PDE1C: variants seen among roughly 807,000 people sequenced by gnomAD.
The protein encoded by PDE1C is dual specificity calcium/calmodulin-dependent 3',5'-cyclic nucleotide phosphodiesterase 1C.
Under a neutral mutation model 93.1 loss-of-function variants are expected in PDE1C, and 62 were observed. The ratio of observed to expected loss-of-function variants is 0.67; its 90% confidence interval spans 0.54 to 0.82. The LOEUF (loss-of-function observed/expected upper bound fraction) is 0.82. PDE1C is among the 40% of genes least tolerant of loss of function. The pLI is 0.00. For missense variants in PDE1C, 742 were observed against 884.6 expected (o/e 0.84, Z 2.04); for synonymous variants, 325 against 310.1 (o/e 1.05, Z -0.50).
chr7:32,052,298 C>T (rs1793495033), intron 1 of PDE1C: 1 of 484,478 alleles, frequency 2.1e-6, no homozygotes, highest in Non-Finnish European at 4.2e-6. Flanking sequence ...TTGGGCAAAT[C>T]TTGTGCATCA....
intron 1 of PDE1C, among the ~76,000 whole-genome samples, chr7:32,217,212 A>G (rs924710182): frequency 1.3e-5 from 2 of 152,254 alleles, no homozygotes; most frequent in Non-Finnish European, 2.9e-5. Flanking sequence ...AATGCATCTC[A>G]GTATGAACCA....
chr7:32,071,274 C>T, upstream of PDE1C: 1 of 985,470 alleles, frequency 1.0e-6, no homozygotes, highest in Non-Finnish European at 1.2e-6. Flanking sequence ...GGGGCCAGGG[C>T]ACGCAGAAGC....
At chr7:32,256,897 T>C (rs1210467774) in intron 1 of PDE1C, among the ~76,000 whole-genome samples, 1 of 152,344 alleles carries the variant, frequency 6.6e-6, no homozygotes, top group Admixed American at 6.5e-5. Flanking sequence ...TAGTTTCAGC[T>C]TCTTGTTTTG....
At chr7:32,095,107 C>T (rs1281361584) in intron 3 of PDE1C, among the ~76,000 whole-genome samples, 2 of 152,220 alleles carry the variant, frequency 1.3e-5, no homozygotes, top group Non-Finnish European at 2.9e-5. Flanking sequence ...CAAGGTCAGA[C>T]TCAATGTGTC....
At chr7:31,854,417 A>G (rs1245609870) in intron 7 of PDE1C, among the ~76,000 whole-genome samples, 1 of 152,200 alleles carries the variant, frequency 6.6e-6, no homozygotes, top group Non-Finnish European at 1.5e-5. Context: ...AGAATTACCA[A>G]TTGGTGGCAA....
At chr7:32,339,845 G>A (rs949530251) in intron 1 of PDE1C, among the ~76,000 whole-genome samples, 2 of 151,314 alleles carry the variant, frequency 1.3e-5, no homozygotes, top group African/African-American at 4.9e-5. Flanking sequence ...GAGAACTGTG[G>A]TAGGGCCACC....
chr7:31,928,867 C>T (rs1454258999), intron 2 of PDE1C, among the ~76,000 whole-genome samples: 1 of 152,156 alleles, frequency 6.6e-6, no homozygotes, highest in East Asian at 1.9e-4. Context: ...TATGAAGAAA[C>T]TGCATCAACT....
chr7:31,621,885 G>A, the PDE1C span, among the ~76,000 whole-genome samples: 11 of 151,798 alleles, frequency 7.2e-5, no homozygotes, highest in African/African-American at 2.7e-4. Flanking sequence ...AGACACATAG[G>A]CTCAAAATAA....
At chr7:32,372,605 A>G (rs1784353219) in intron 1 of PDE1C, among the ~76,000 whole-genome samples, 2 of 152,148 alleles carry the variant, frequency 1.3e-5, no homozygotes, top group African/African-American at 2.4e-5. Context: ...CAAACAACCC[A>G]CAAAAGGAAA....
intron 1 of PDE1C, among the ~76,000 whole-genome samples, chr7:32,237,322 C>T (rs1193450885): frequency 1.3e-5 from 2 of 151,726 alleles, no homozygotes; most frequent in Non-Finnish European, 2.9e-5. Context: ...CTCCTGACCT[C>T]GTGATCCGCC....
chr7:32,117,194 GT>G (rs1006163852), intron 3 of PDE1C, among the ~76,000 whole-genome samples: 2 of 152,126 alleles, frequency 1.3e-5, no homozygotes, highest in African/African-American at 2.4e-5. Context: ...TAGAGGTTTT[GT>G]TTTAAAGGTC....
chr7:32,270,131 T>C (rs1308313252), intron 1 of PDE1C, among the ~76,000 whole-genome samples: 1 of 152,134 alleles, frequency 6.6e-6, no homozygotes, highest in Non-Finnish European at 1.5e-5. Flanking sequence ...TAAAATAATA[T>C]GTATATTATA....
chr7:31,641,235 CA>C, the PDE1C span, among the ~76,000 whole-genome samples: 1 of 152,178 alleles, frequency 6.6e-6, no homozygotes, highest in Admixed American at 6.5e-5. Context: ...GTTGTTCAAG[CA>C]AAGGCAAATC....
chr7:31,650,675 A>G, the PDE1C span, among the ~76,000 whole-genome samples: 3 of 152,156 alleles, frequency 2.0e-5, no homozygotes, highest in Admixed American at 2.0e-4. Context: ...ACTAATAAAC[A>G]TTATTCTAAG....
chr7:31,658,315 A>G, the PDE1C span: 5 of 1,521,556 alleles, frequency 3.3e-6, no homozygotes, highest in South Asian at 4.9e-5. Flanking sequence ...TTTTTCTTCA[A>G]AAGCAAATAA....
chr7:32,294,171 AC>A (rs1812500627), intron 1 of PDE1C, among the ~76,000 whole-genome samples: 1 of 151,594 alleles, frequency 6.6e-6, no homozygotes, highest in African/African-American at 2.4e-5. Flanking sequence ...AGGTCAGGGA[AC>A]CCCCACTCCC....
the PDE1C span, among the ~76,000 whole-genome samples, chr7:31,704,384 C>T: frequency 1.3e-5 from 2 of 152,194 alleles, no homozygotes; most frequent in African/African-American, 4.8e-5. Flanking sequence ...AGCTGATTGG[C>T]CCTTGGAGAC....
intron 1 of PDE1C, among the ~76,000 whole-genome samples, chr7:32,264,798 C>T (rs1019892206): frequency 6.6e-6 from 1 of 152,146 alleles, no homozygotes; most frequent in African/African-American, 2.4e-5. Flanking sequence ...TATCATGGAG[C>T]CAGAAAACAA....
the PDE1C span, among the ~76,000 whole-genome samples, chr7:31,739,202 C>CACACAA: frequency 8.8e-6 from 1 of 113,240 alleles, no homozygotes. Flanking sequence ...AACTTTTAGA[C>CACACAA]ACACACACAC....
Sources: allele counts gnomAD v4.1 joint callset (sites outside exome capture counted in the v4.1 genomes callset), GRCh38; gene constraint gnomAD v4.1.1; transcripts MANE v1.5; gene names NCBI Gene and HGNC (gene_info 2026-07-23, HGNC 2026-07-21).